N4BP1: variants seen among roughly 807,000 people sequenced by gnomAD.
N4BP1 encodes the protein NEDD4-binding protein 1.
A neutral mutation model predicts 70.9 loss-of-function variants in N4BP1; 21 were observed. The ratio of observed to expected loss-of-function variants is 0.30; its 90% confidence interval spans 0.21 to 0.43. N4BP1 has a LOEUF of 0.43. Ranked by LOEUF, N4BP1 falls within the 20% of genes least tolerant of loss-of-function variation. The probability of loss-of-function intolerance (pLI) is 1.00; values close to 1 mark genes in which losing one functional copy is unlikely to be tolerated. For missense variants in N4BP1, 936 were observed against 1,069.4 expected, an observed-to-expected ratio of 0.88 and a Z score of 1.74; for synonymous variants, 387 against 394.6, an observed-to-expected ratio of 0.98 and a Z score of 0.23.
chr16:48,606,684 A>T (rs1266393873), intron 1 of N4BP1, among the ~76,000 whole-genome samples: 1 of 152,222 alleles, frequency 6.6e-6, no homozygotes, highest in Non-Finnish European at 1.5e-5. Flanking sequence ...GCCCCTCTGC[A>T]GTCATTGGAG....
rs1418515737 is a variant in N4BP1, at chr16:48,586,418, C to G, written c.198+23357G>C. 2.0e-5 allele frequency among the ~76,000 whole-genome samples: 3 copies of G among 152,224 alleles called. No homozygotes were observed. In the East Asian group the frequency reaches 5.8e-4, roughly 29 times the overall value. On this transcript the variant is annotated intron_variant, in intron 1 of 6. Transcript: ENST00000262384. ...ACACTTTCTTAATCTAATACCCAGT[C>G]TGTGTTTAATGTCTTTTTCCAGTTG...
chr16:48,586,903 T>C (rs913482043), intron 1 of N4BP1, among the ~76,000 whole-genome samples: 2 of 152,102 alleles, frequency 1.3e-5, no homozygotes, highest in Admixed American at 6.6e-5. Context: ...CTTTACAAGA[T>C]AGAATGGAAG....
At chr16:48,557,364 G>A (rs888189344) in intron 2 of N4BP1, among the ~76,000 whole-genome samples, 2 of 151,956 alleles carry the variant, frequency 1.3e-5, no homozygotes, top group Non-Finnish European at 2.9e-5. Flanking sequence ...GAGGAGAGAG[G>A]GTATACAGCA....
rs778343070 is a variant in N4BP1, at chr16:48,542,896, C to A, written c.*8G>T. The stretch of plus-strand genomic sequence containing the variant: ...CCCTGAGCGCAAGCTCAGCGCTCAG[C>A]ACAATCTTCAATCCAACACCATGGC... On this transcript the variant is annotated 3_prime_UTR_variant, in exon 7 of 7. Coordinates refer to ENST00000262384, the MANE Select transcript of N4BP1 (RefSeq NM_153029.4). 1.9e-6 allele frequency: 3 copies of A among 1,596,176 alleles called. No individual in the cohort carries two copies. The highest frequency in any genetic ancestry group is 2.6e-6 in the Non-Finnish European group (3 of 1,167,480).
At chr16:48,575,511 C>T (rs1438357470) in intron 1 of N4BP1, among the ~76,000 whole-genome samples, 4 of 152,146 alleles carry the variant, frequency 2.6e-5, no homozygotes, top group South Asian at 2.1e-4. Context: ...GAGGAGTTCC[C>T]GGCAACTTCT....
Position 48,561,521 on chromosome 16 carries a change from A to G in N4BP1, c.1122T>C (p.Ser374=), listed in dbSNP as rs750179032. The part of the protein sequence containing the change: ...VEKVIKVYGP[S]TEPLLLLEEI... ...CCTCTAAGAGCAATAATGGTTCAGT[A>G]GATGGTCCATACACCTTAATGACCT... The change falls in exon 2 of 7, where the codon TCT becomes TCC. Residue 374 remains serine, a synonymous_variant. Coordinates refer to ENST00000262384, the MANE Select transcript of N4BP1 (RefSeq NM_153029.4). 5.0e-6 allele frequency: 8 copies of G among 1,613,586 alleles called. No individual in the cohort carries two copies. In the African/African-American group the frequency reaches 6.7e-5, roughly 13 times the overall value.
Position 48,562,009 on chromosome 16 carries a change from G to T in N4BP1, c.634C>A (p.Gln212Lys), listed in dbSNP as rs1322964128. 2 of 1,613,852 alleles carry T rather than the reference G, an allele frequency of 1.2e-6. No individual in the cohort carries two copies. The highest frequency in any genetic ancestry group is 2.2e-5 in the South Asian group (2 of 91,080). The change falls in exon 2 of 7, where the codon CAA becomes AAA. Residue 212 changes from glutamine (Q) to lysine (K), a missense_variant. Transcript: ENST00000262384. Reference sequence around the variant, plus strand: ...GCAGCATTCTGTGTAAACTCTGTTTGTTGAGAATCTCTCATTTCAATAACC... The same window carrying T: ...GCAGCATTCTGTGTAAACTCTGTTTTTTGAGAATCTCTCATTTCAATAACC... ...DEVIEMRDSQ[Q>K]TEFTQNAATG...
chr16:48,556,469 TATA>T (rs1460021873), intron 2 of N4BP1, among the ~76,000 whole-genome samples: 5 of 152,188 alleles, frequency 3.3e-5, no homozygotes, highest in African/African-American at 4.8e-5. Flanking sequence ...AAAGTATATA[TATA>T]ATAACACCTT....
At chr16:48,549,407 A>T (rs748121894) in intron 4 of N4BP1, among the ~76,000 whole-genome samples, 1 of 152,192 alleles carries the variant, frequency 6.6e-6, no homozygotes, top group Non-Finnish European at 1.5e-5. Flanking sequence ...ACATATATGC[A>T]TGTTCTCTAA....
Position 48,561,252 on chromosome 16 carries a change from C to T in N4BP1, c.1391G>A (p.Arg464Lys). ...ATGTTTCTGTTCTATTGGCACTGTT[C>T]TGAAAGTATTAATTCTACAATTTGA... ...CTSNCRINTF[R>K]TVPIEQKHEV... Residue 464 changes from arginine (R) to lysine (K), a missense_variant, in exon 2 of 7, where the codon AGA (arginine) becomes AAA (lysine). Around this residue, in one of 4 missense-constraint regions of N4BP1, gnomAD observed 515 missense variants for 491.7 expected, o/e 1.05. Coordinates refer to ENST00000262384, the MANE Select transcript of N4BP1 (RefSeq NM_153029.4). 1 of 1,613,960 alleles carries T rather than the reference C, an allele frequency of 6.2e-7. No individual in the cohort carries two copies. Among genetic ancestry groups the T allele is most frequent in the Non-Finnish European group, 8.5e-7 (1 of 1,179,890 alleles).
In N4BP1 at chr16:48,539,295, A is replaced by T. The variant is rs973970155; in HGVS notation, c.*3609T>A. On this transcript the variant is annotated 3_prime_UTR_variant, in exon 7 of 7. Coordinates refer to ENST00000262384, the MANE Select transcript of N4BP1 (RefSeq NM_153029.4). ...CAGCGCTGGGAGGGGCCAGCCAGTT[A>T]GGGCCCACCACCCCTGGGTGTCTGA... is the stretch of plus-strand genomic sequence containing the variant. 1.3e-5 allele frequency: 2 copies of T among 152,598 alleles called. No individual in the cohort carries two copies. The highest frequency in any genetic ancestry group is 1.3e-4 in the Admixed American group (2 of 15,282). 9.5% of individuals were successfully genotyped at this position (152,598 alleles called of 1,614,324 possible).
At chr16:48,563,924 T>C (rs545301295) in intron 1 of N4BP1, among the ~76,000 whole-genome samples, 3 of 152,342 alleles carry the variant, frequency 2.0e-5, no homozygotes, top group Admixed American at 1.3e-4. Flanking sequence ...ATATCCTCCT[T>C]CTAGCTATTT....
At chr16:48,556,416 G>A (rs61167445) in intron 2 of N4BP1, among the ~76,000 whole-genome samples, 2,596 of 152,234 alleles carry the variant, frequency 0.017, 220 homozygotes, top group Admixed American at 0.13. Context: ...AACCAGAGTA[G>A]CATGTTGACA....
In N4BP1 at chr16:48,554,442, A is replaced by G. The variant is rs908595536; in HGVS notation, c.1890-773T>C. 6.6e-5 allele frequency among the ~76,000 whole-genome samples: 10 copies of G among 152,194 alleles called. 1 individual carries two copies. In the South Asian group the frequency reaches 1.7e-3, roughly 25 times the overall value. On this transcript the variant is annotated intron_variant, in intron 2 of 6. Transcript: ENST00000262384. ...AAATGCCCACCCCTCCATCCATAAC[A>G]CATTTCAACGGAAAGGAAGAAAGTA...
intron 6 of N4BP1, 163 bp downstream of exon 6, chr16:48,545,984 C>T (rs1043085371): frequency 2.0e-5 from 10 of 489,660 alleles, no homozygotes; most frequent in Non-Finnish European, 2.8e-5. Flanking sequence ...GCCGAAATCA[C>T]GCCACTGCAT....
chr16:48,576,865 G>C (rs147973574), intron 1 of N4BP1, among the ~76,000 whole-genome samples: 177 of 152,228 alleles, frequency 1.2e-3, no homozygotes, highest in African/African-American at 4.1e-3. Context: ...ATCCACTGCT[G>C]ATGCGTGGAA....
intron 1 of N4BP1, among the ~76,000 whole-genome samples, chr16:48,595,667 G>T (rs549687588): frequency 3.9e-5 from 6 of 152,094 alleles, no homozygotes; most frequent in Non-Finnish European, 8.8e-5. Context: ...TTTTCTAACA[G>T]GACACAATTG....
intron 1 of N4BP1, among the ~76,000 whole-genome samples, chr16:48,602,215 C>T (rs182426958): frequency 6.2e-4 from 95 of 152,214 alleles, no homozygotes; most frequent in Admixed American, 3.1e-3. Context: ...CACAGTGAGA[C>T]CCTGTCTCAA....
chr16:48,560,834 G>A lies in N4BP1; in HGVS notation c.1809C>T (p.Pro603=). ...VQRFRDTLKI[P]YKLELKNEPG... ...GTTCATTTTTTAATTCCAGCTTGTA[G>A]GGTATTTTTAGAGTATCTCGAAACC... Residue 603 remains proline (P), a synonymous_variant, in exon 2 of 7, where the codon CCC becomes CCT. Transcript: ENST00000262384. 2 of 1,613,912 alleles carry A rather than the reference G, an allele frequency of 1.2e-6. No individual in the cohort carries two copies. The highest frequency in any genetic ancestry group is 1.7e-6 in the Non-Finnish European group (2 of 1,179,854).
Sources: gnomAD v4.1 joint callset for allele counts (sites outside exome capture counted in the v4.1 genomes callset) on GRCh38, gnomAD v4.1.1 for gene constraint, gnomAD v4.1.1 regional missense constraint, MANE v1.5 for transcripts, NCBI Gene and HGNC (gene_info 2026-07-23, HGNC 2026-07-21) for gene names.